SH3D19: variants seen among roughly 807,000 people sequenced by gnomAD.
The protein encoded by SH3D19 is SH3 domain containing 19.
A neutral mutation model predicts 112.1 loss-of-function variants in SH3D19; 58 were observed. The ratio of observed to expected loss-of-function variants is 0.52; its 90% CI spans 0.42 to 0.64. The LOEUF is 0.64. Among genes scored for constraint, SH3D19 ranks in the 30% least tolerant of loss-of-function variants. SH3D19 has a pLI of 0.00. For missense variants in SH3D19, 1,090 were observed against 1,263.4 expected, an observed-to-expected ratio of 0.86 and a Z score of 2.08; for synonymous variants, 391 against 448.5, an observed-to-expected ratio of 0.87 and a Z score of 1.62.
At chr4:151,289,589 T>A (rs1469640100) in intron 1 of SH3D19, among the ~76,000 whole-genome samples, 1 of 152,170 alleles carries the variant, frequency 6.6e-6, no homozygotes, top group Non-Finnish European at 1.5e-5. Flanking sequence ...GATATACAAA[T>A]GTCCAACTGG....
At chr4:151,315,617 C>G (rs1729904567) in intron 1 of SH3D19, among the ~76,000 whole-genome samples, 1 of 152,072 alleles carries the variant, frequency 6.6e-6, no homozygotes, top group African/African-American at 2.4e-5. Context: ...TAGAGACAAT[C>G]CTAATCAGAT....
At chr4:151,283,932 A>T (rs753522557) in intron 1 of SH3D19, among the ~76,000 whole-genome samples, 2 of 152,210 alleles carry the variant, frequency 1.3e-5, no homozygotes, top group Non-Finnish European at 2.9e-5. Context: ...ATGAAAAATC[A>T]GCCATTATTT....
intron 1 of SH3D19, among the ~76,000 whole-genome samples, chr4:151,276,306 T>G (rs1275115643): frequency 6.6e-6 from 1 of 152,136 alleles, no homozygotes; most frequent in African/African-American, 2.4e-5. Context: ...ATTTCTGAGG[T>G]AGATGTTGTG....
At chr4:151,144,948 C>G (rs1046276856) in intron 11 of SH3D19, among the ~76,000 whole-genome samples, 1 of 152,284 alleles carries the variant, frequency 6.6e-6, no homozygotes, top group East Asian at 1.9e-4. Context: ...CCAGGAAATG[C>G]AATCACACAA....
At chr4:151,254,306 T>C (rs991968573) in intron 1 of SH3D19, among the ~76,000 whole-genome samples, 10 of 151,426 alleles carry the variant, frequency 6.6e-5, no homozygotes, top group Admixed American at 6.6e-4. Context: ...TTTTTATTTA[T>C]TTATTTATTT....
At chr4:151,236,376 G>A (rs926261633) in intron 1 of SH3D19, among the ~76,000 whole-genome samples, 3 of 152,276 alleles carry the variant, frequency 2.0e-5, no homozygotes, top group African/African-American at 7.2e-5. Context: ...GCTCCCTCTG[G>A]GCTGCCGGAG....
chr4:151,229,209 G>T (rs980019579), intron 1 of SH3D19, among the ~76,000 whole-genome samples: 1 of 151,990 alleles, frequency 6.6e-6, no homozygotes, highest in Admixed American at 6.6e-5. Flanking sequence ...AATTAATTGG[G>T]GGAGAATATT....
Position 151,144,382 on chromosome 4 carries a change from G to C in SH3D19, c.2083-332C>G, listed in dbSNP as rs1753559734. 5.4e-6 allele frequency: 6 copies of C among 1,102,428 alleles called. No homozygotes were observed. In the South Asian group the frequency reaches 7.6e-5, roughly 14 times the overall value. 68.3% of individuals were successfully genotyped at this position (1,102,428 alleles called of 1,614,324 possible). ...GGAATTTGGCATGTGTGTGCCTAAA[G>C]TGCACCTTCTCCAGCAGCTAAACTC... On this transcript the variant is annotated intron_variant, in intron 11 of 19. Coordinates refer to ENST00000604030, the MANE Select transcript of SH3D19 (RefSeq NM_001378122.1).
At chr4:151,305,192 T>A (rs922404457) in intron 1 of SH3D19, among the ~76,000 whole-genome samples, 6 of 152,186 alleles carry the variant, frequency 3.9e-5, no homozygotes, top group Admixed American at 3.9e-4. Context: ...ATTCAAAATG[T>A]TCAGTTTTCA....
chr4:151,190,248 A>G (rs1207011231), intron 2 of SH3D19, among the ~76,000 whole-genome samples: 1 of 152,236 alleles, frequency 6.6e-6, no homozygotes, highest in Admixed American at 6.5e-5. Context: ...GAAGCAGAGC[A>G]TAAAAGTTGG....
chr4:151,268,228 T>C (rs940273554), intron 1 of SH3D19, among the ~76,000 whole-genome samples: 1 of 152,172 alleles, frequency 6.6e-6, no homozygotes, highest in East Asian at 1.9e-4. Context: ...TATTTATGTA[T>C]CTAAACATAG....
chr4:151,136,000 A>AC (rs1364243592), intron 14 of SH3D19, among the ~76,000 whole-genome samples: 1 of 151,826 alleles, frequency 6.6e-6, no homozygotes, highest in Non-Finnish European at 1.5e-5. Context: ...ACAAAACAAA[A>AC]CAAAACAAAA....
chr4:151,285,609 A>G (rs544002972), intron 1 of SH3D19, among the ~76,000 whole-genome samples: 31 of 152,308 alleles, frequency 2.0e-4, no homozygotes, highest in Middle Eastern at 3.4e-3. Flanking sequence ...ACGTTAAACA[A>G]TATATCTCAA....
At chr4:151,265,518 T>A (rs1214239740) in intron 1 of SH3D19, among the ~76,000 whole-genome samples, 1 of 151,888 alleles carries the variant, frequency 6.6e-6, no homozygotes, top group Non-Finnish European at 1.5e-5. Flanking sequence ...GGCATAAGTT[T>A]GCTTTTTAAT....
chr4:151,124,651 G>C (rs934551687), intron 19 of SH3D19, among the ~76,000 whole-genome samples: 1 of 152,042 alleles, frequency 6.6e-6, no homozygotes, highest in South Asian at 2.1e-4. Context: ...CCAGGAGGCG[G>C]AGGTTGCAGT....
At chr4:151,324,437 T>C (rs1698127111) in intron 1 of SH3D19, among the ~76,000 whole-genome samples, 1 of 152,126 alleles carries the variant, frequency 6.6e-6, no homozygotes, top group Non-Finnish European at 1.5e-5. Flanking sequence ...GGTTTGTTCT[T>C]CCCTCTTGTT....
intron 2 of SH3D19, among the ~76,000 whole-genome samples, chr4:151,204,024 T>C (rs1764756211): frequency 6.6e-6 from 1 of 152,222 alleles, no homozygotes; most frequent in South Asian, 2.1e-4. Flanking sequence ...TACCCCACAC[T>C]GTTTTCCCTA....
intron 1 of SH3D19, among the ~76,000 whole-genome samples, chr4:151,303,497 C>A (rs1728649401): frequency 6.6e-6 from 1 of 152,076 alleles, no homozygotes; most frequent in Non-Finnish European, 1.5e-5. Context: ...ATTTATTTTT[C>A]TTTAATTTTG....
At chr4:151,232,917 T>G (rs1769723660) in intron 1 of SH3D19, among the ~76,000 whole-genome samples, 1 of 152,194 alleles carries the variant, frequency 6.6e-6, no homozygotes, top group African/African-American at 2.4e-5. Context: ...GACCCATTAA[T>G]GCGGGGGTCC....
Sources: gnomAD v4.1 joint callset for allele counts (sites outside exome capture counted in the v4.1 genomes callset) on GRCh38, gnomAD v4.1.1 for gene constraint, MANE v1.5 for transcripts, NCBI Gene and HGNC (gene_info 2026-07-23, HGNC 2026-07-21) for gene names.